PRIM2: variants seen among roughly 807,000 people sequenced by gnomAD.
The protein encoded by PRIM2 is DNA primase subunit 2, also known as DNA primase large subunit.
PRIM2 carries 39 observed loss-of-function variants against 67.3 expected under a neutral mutation model. That is an observed-to-expected ratio of 0.58 (90% CI 0.45 to 0.76). The LOEUF is 0.76. Ranked by LOEUF, PRIM2 falls within the 30% of genes least tolerant of loss-of-function variation. The pLI is 0.00. For missense variants in PRIM2, 398 were observed against 598.7 expected, an observed-to-expected ratio of 0.66 and a Z score of 3.50; for synonymous variants, 143 against 198.7, an observed-to-expected ratio of 0.72 and a Z score of 2.36.
intron 7 of PRIM2, among the ~76,000 whole-genome samples, chr6:57,483,474 C>T (rs1249057281): frequency 1.3e-5 from 2 of 152,082 alleles, no homozygotes; most frequent in African/African-American, 4.8e-5. Context: ...AACATGAAAA[C>T]ATACTAGTCA....
chr6:57,351,170 T>A (rs953470070), intron 5 of PRIM2, among the ~76,000 whole-genome samples: 1 of 151,916 alleles, frequency 6.6e-6, no homozygotes, highest in Non-Finnish European at 1.5e-5. Context: ...TGGGATCAGA[T>A]GTGTTTTGGA....
At chr6:57,478,533 A>G (rs1282192788) in intron 7 of PRIM2, among the ~76,000 whole-genome samples, 1 of 152,084 alleles carries the variant, frequency 6.6e-6, no homozygotes, top group East Asian at 1.9e-4. Context: ...TACATACAAA[A>G]ACACATATGA....
chr6:57,515,941 A>C (rs1326179931), intron 8 of PRIM2, among the ~76,000 whole-genome samples: 34 of 151,796 alleles, frequency 2.2e-4, no homozygotes, highest in Non-Finnish European at 4.4e-4. Context: ...AAGTTGTTGG[A>C]GATCCTGTTT....
chr6:57,288,523 C>T, the PRIM2 span, among the ~76,000 whole-genome samples: 1 of 152,322 alleles, frequency 6.6e-6, no homozygotes, highest in African/African-American at 2.4e-5. Flanking sequence ...TGTAGCCTGA[C>T]TGGGAGATAC....
chr6:57,418,383 GTTTTTTTTTTTTTTTTTT>G lies in PRIM2; in HGVS notation c.693+36232_693+36249del, dbSNP rs34491627. Among the ~76,000 whole-genome samples, 11 of 47,234 alleles carry G rather than the reference GTTTTTTTTTTTTTTTTTT, an allele frequency of 2.3e-4. 1 individual carries two copies. The highest frequency in any genetic ancestry group is 4.6e-4 in the African/African-American group (7 of 15,370). The allele number at this position is 47,234 out of a possible 152,430, so 31.0% of individuals were successfully genotyped here. ...TAAGGTAATGTTTCCTATGTGTGTG[GTTTTTTTTTTTTTTTTTT>G]TTTTTTTTTTTTTTTTAACAGATTC... On this transcript the variant is annotated intron_variant, in intron 7 of 13. Transcript: ENST00000615550.
chr6:57,284,526 T>C, the PRIM2 span, among the ~76,000 whole-genome samples: 12,669 of 152,138 alleles, frequency 0.083, 761 homozygotes, highest in East Asian at 0.18. Flanking sequence ...TCAAAATATA[T>C]AGACTGAAAA....
intron 5 of PRIM2, among the ~76,000 whole-genome samples, chr6:57,377,958 C>T (rs1270508819): frequency 6.6e-6 from 1 of 152,016 alleles, no homozygotes; most frequent in East Asian, 1.9e-4. Context: ...TCAGAAATGT[C>T]ATTTCTTAGA....
intron 10 of PRIM2, among the ~76,000 whole-genome samples, chr6:57,552,017 A>T (rs1447186874): frequency 5.9e-5 from 9 of 152,160 alleles, no homozygotes; most frequent in African/African-American, 1.9e-4. Context: ...TGTACTCAGA[A>T]TTAACAGACA....
upstream of PRIM2, among the ~76,000 whole-genome samples, chr6:57,317,072 C>T (rs1334186774): frequency 2.6e-5 from 4 of 152,164 alleles, no homozygotes; most frequent in African/African-American, 9.7e-5. Context: ...TGTAGACGGG[C>T]AAACTAACGA....
At chr6:57,610,756 T>G (rs2127494163) in intron 12 of PRIM2, among the ~76,000 whole-genome samples, 1 of 152,132 alleles carries the variant, frequency 6.6e-6, no homozygotes, top group East Asian at 1.9e-4. Context: ...AAATCCACAG[T>G]TATATTTGGA....
chr6:57,224,618 C>T, the PRIM2 span, among the ~76,000 whole-genome samples: 5 of 151,024 alleles, frequency 3.3e-5, no homozygotes, highest in Admixed American at 3.3e-4. Context: ...TATATCTTGC[C>T]AAATTTCTTT....
In PRIM2 at chr6:57,396,869, G is replaced by C. The variant is rs544472981; in HGVS notation, c.693+14701G>C. Among the ~76,000 whole-genome samples, 4 of 152,268 alleles carry C rather than the reference G, an allele frequency of 2.6e-5. No individual in the cohort carries two copies. In the South Asian group the frequency reaches 8.3e-4, roughly 32 times the overall value. ...CTTGTAGTGGTGGCTTGGTAATGGT[G>C]AATTCTCTCAGCATTTGTTTGTCTG... On this transcript the variant is annotated intron_variant, in intron 7 of 13. Coordinates refer to ENST00000615550, the MANE Select transcript of PRIM2 (RefSeq NM_000947.5).
intron 7 of PRIM2, among the ~76,000 whole-genome samples, chr6:57,495,327 ACTGGG>A (rs1480480439): frequency 1.3e-5 from 2 of 152,238 alleles, no homozygotes; most frequent in Non-Finnish European, 2.9e-5. Flanking sequence ...GTAGAGGCAC[ACTGGG>A]CTGTTCTATA....
intron 5 of PRIM2, among the ~76,000 whole-genome samples, chr6:57,342,559 C>T (rs1244126796): frequency 6.6e-6 from 1 of 152,172 alleles, no homozygotes; most frequent in East Asian, 1.9e-4. Flanking sequence ...TTTAAAACCT[C>T]CTTAAGACAG....
chr6:57,357,583 C>T (rs1769071562), intron 5 of PRIM2, among the ~76,000 whole-genome samples: 1 of 151,484 alleles, frequency 6.6e-6, no homozygotes, highest in African/African-American at 2.4e-5. Flanking sequence ...GCGTAGAAAC[C>T]CATCCTCTGT....
intron 7 of PRIM2, among the ~76,000 whole-genome samples, chr6:57,460,479 G>C (rs1772967948): frequency 6.6e-6 from 1 of 152,060 alleles, no homozygotes; most frequent in South Asian, 2.1e-4. Context: ...ATTCTGTAAT[G>C]CTCGTAAGTT....
the PRIM2 span, among the ~76,000 whole-genome samples, chr6:57,224,236 G>A: frequency 2.0e-5 from 3 of 152,200 alleles, no homozygotes; most frequent in Non-Finnish European, 4.4e-5. Flanking sequence ...AGGAGTTCAA[G>A]ACCAGCCTGG....
chr6:57,301,202 A>G, the PRIM2 span, among the ~76,000 whole-genome samples: 1 of 152,184 alleles, frequency 6.6e-6, no homozygotes, highest in East Asian at 1.9e-4. Flanking sequence ...AGAATGGGAG[A>G]GTCAGCTGGG....
chr6:57,615,660 C>T (rs1250083016), intron 12 of PRIM2, among the ~76,000 whole-genome samples: 2 of 152,090 alleles, frequency 1.3e-5, no homozygotes, highest in African/African-American at 2.4e-5. Flanking sequence ...CTTTGGAAGG[C>T]CGAGGTGAGA....
Sources: gnomAD v4.1 joint callset for allele counts (sites outside exome capture counted in the v4.1 genomes callset) on GRCh38, gnomAD v4.1.1 for gene constraint, MANE v1.5 for transcripts, NCBI Gene and HGNC (gene_info 2026-07-23, HGNC 2026-07-21) for gene names.